The following ENAH variants were observed in gnomAD, a reference collection of about 807,000 sequenced individuals.
ENAH encodes protein enabled homolog.
In ENAH, 23 loss-of-function variants were observed where a neutral mutation model predicts 78.7. The observed-to-expected ratio is 0.29, with a 90% CI of 0.21 to 0.41. ENAH has a LOEUF of 0.41. Ranked by LOEUF, ENAH falls within the 10% of genes least tolerant of loss-of-function variation. ENAH has a pLI of 1.00. For synonymous variants in ENAH, 226 were observed against 241.0 expected (o/e 0.94, Z 0.58); for missense variants, 544 against 691.0 (o/e 0.79, Z 2.39).
Position 225,627,976 on chromosome 1 carries a change from G to T in ENAH, c.5+24710C>A, listed in dbSNP as rs370803309. Among the ~76,000 whole-genome samples the T allele has an allele frequency of 7.3e-4, 111 of 152,310 alleles. 1 individual carries two copies. Among genetic ancestry groups the T allele is most frequent in the African/African-American group, 2.5e-3 (104 of 41,574 alleles). On this transcript the variant is annotated intron_variant, in intron 1 of 13. Transcript: ENST00000366843. ...ATTAAGGGGGCTGAAAAGCAGAAAA[G>T]GGCAGTTACTTCATGTTTCCAAAAG... is the stretch of plus-strand genomic sequence containing the variant.
intron 1 of ENAH, among the ~76,000 whole-genome samples, chr1:225,616,332 A>T (rs1269213731): frequency 3.7e-5 from 5 of 136,300 alleles, no homozygotes; most frequent in Non-Finnish European, 6.5e-5. Flanking sequence ...ATAAATACTT[A>T]AAAAAAAAAA....
At chr1:225,511,754 G>A in intron 10 of ENAH, 57 bp downstream of exon 10, 1 of 1,248,298 alleles carries the variant, frequency 8.0e-7, no homozygotes, top group Non-Finnish European at 1.1e-6. Context: ...TTTTAACTGG[G>A]GAGTATTAAT....
chr1:225,604,829 G>A (rs1004834925), intron 1 of ENAH, among the ~76,000 whole-genome samples: 1 of 151,948 alleles, frequency 6.6e-6, no homozygotes, highest in Non-Finnish European at 1.5e-5. Flanking sequence ...ATTGATAAAA[G>A]ATTTAGAGAG....
At chr1:225,551,347 T>C (rs1200742488) in intron 3 of ENAH, among the ~76,000 whole-genome samples, 1 of 151,984 alleles carries the variant, frequency 6.6e-6, no homozygotes, top group Admixed American at 6.6e-5. Flanking sequence ...AAAGGAAATA[T>C]CACACAAACA....
intron 3 of ENAH, among the ~76,000 whole-genome samples, chr1:225,542,127 T>C (rs930597088): frequency 1.3e-5 from 2 of 152,132 alleles, no homozygotes; most frequent in African/African-American, 2.4e-5. Context: ...AGTGATCCTT[T>C]CACCTTGGCC....
chr1:225,610,782 C>T (rs1427554714), intron 1 of ENAH, among the ~76,000 whole-genome samples: 1 of 152,158 alleles, frequency 6.6e-6, no homozygotes, highest in Admixed American at 6.5e-5. Flanking sequence ...ATCAACCACT[C>T]CAAAAGCTGT....
At chr1:225,597,584 G>A (rs1378211373) in intron 1 of ENAH, among the ~76,000 whole-genome samples, 1 of 150,822 alleles carries the variant, frequency 6.6e-6, no homozygotes, top group Non-Finnish European at 1.5e-5. Flanking sequence ...TTGACCCCTC[G>A]GAGGTACAGG....
chr1:225,621,126 T>C (rs1656808518), intron 1 of ENAH, among the ~76,000 whole-genome samples: 1 of 152,138 alleles, frequency 6.6e-6, no homozygotes, highest in Non-Finnish European at 1.5e-5. Context: ...CTTGGGAAAA[T>C]CTTCACCCAT....
In ENAH at chr1:225,496,992, C is replaced by T. The variant is rs2096252628; in HGVS notation, c.*783G>A. The stretch of plus-strand genomic sequence containing the variant: ...AGGTTGAAAACCTACAGTAAATCTA[C>T]AATATAGTGTTTACATTTGACCACT... On this transcript the variant is annotated 3_prime_UTR_variant, in exon 14 of 14. Coordinates refer to ENST00000366843, the MANE Select transcript of ENAH (RefSeq NM_018212.6). 1.3e-5 allele frequency: 2 copies of T among 152,622 alleles called. No individual in the cohort carries two copies. The allele number at this position is 152,622 out of a possible 1,614,324, so 9.5% of individuals were successfully genotyped here.
At chr1:225,644,059 T>C (rs939117865) in intron 1 of ENAH, among the ~76,000 whole-genome samples, 2 of 152,158 alleles carry the variant, frequency 1.3e-5, no homozygotes, top group African/African-American at 2.4e-5. Context: ...CTTACTTTTA[T>C]ATATAATCAT....
intron 2 of ENAH, among the ~76,000 whole-genome samples, chr1:225,557,799 C>T (rs528221305): frequency 6.6e-6 from 1 of 152,120 alleles, no homozygotes; most frequent in African/African-American, 2.4e-5. Context: ...CCAGCCTGGG[C>T]AACAGAGTGA....
At chr1:225,529,714 CG>C (rs1411174116) in intron 4 of ENAH, among the ~76,000 whole-genome samples, 1 of 152,042 alleles carries the variant, frequency 6.6e-6, no homozygotes, top group Non-Finnish European at 1.5e-5. Flanking sequence ...ATACTGAAGA[CG>C]GTCAAAGCAG....
At chr1:225,599,870 T>C (rs369701613) in intron 1 of ENAH, among the ~76,000 whole-genome samples, 1 of 149,098 alleles carries the variant, frequency 6.7e-6, no homozygotes, top group South Asian at 2.1e-4. Context: ...GTCTGGATCA[T>C]GGGGGAGGAG....
At chr1:225,590,361 G>A (rs756614210) in intron 1 of ENAH, among the ~76,000 whole-genome samples, 1 of 151,936 alleles carries the variant, frequency 6.6e-6, no homozygotes, top group Non-Finnish European at 1.5e-5. Context: ...CTACTCAGGA[G>A]GCTGAGGCTC....
intron 12 of ENAH, 130 bp downstream of exon 12, chr1:225,500,862 T>C (rs757867858): frequency 5.6e-5 from 49 of 870,252 alleles, no homozygotes; most frequent in Non-Finnish European, 8.4e-5. Context: ...AATGCCACTG[T>C]TTAATTTGTA....
At chr1:225,527,602 G>A (rs538853919) in intron 4 of ENAH, among the ~76,000 whole-genome samples, 1 of 152,278 alleles carries the variant, frequency 6.6e-6, no homozygotes, top group South Asian at 2.1e-4. Flanking sequence ...CGGGATATAT[G>A]TCAAAGAAAA....
intron 1 of ENAH, chr1:225,652,205 C>G (rs959605581): frequency 2.2e-6 from 1 of 462,842 alleles, no homozygotes; most frequent in Non-Finnish European, 2.8e-6. Context: ...ACCAGAGGCA[C>G]TTTATTACCC....
intron 1 of ENAH, among the ~76,000 whole-genome samples, chr1:225,591,017 G>C (rs1374261467): frequency 6.6e-6 from 1 of 152,180 alleles, no homozygotes; most frequent in Non-Finnish European, 1.5e-5. Flanking sequence ...ATTTTCAGGT[G>C]AACTATTAAA....
At chr1:225,528,859 T>G (rs1327010228) in intron 4 of ENAH, among the ~76,000 whole-genome samples, 1 of 152,138 alleles carries the variant, frequency 6.6e-6, no homozygotes, top group Non-Finnish European at 1.5e-5. Flanking sequence ...TCACAACTAT[T>G]GATGGCAACT....
Sources: allele counts gnomAD v4.1 joint callset (sites outside exome capture counted in the v4.1 genomes callset), GRCh38; gene constraint gnomAD v4.1.1; transcripts MANE v1.5; gene names NCBI Gene and HGNC (gene_info 2026-07-23, HGNC 2026-07-21).